Variants in SPEF2 observed in about 807,000 individuals in gnomAD.
SPEF2 encodes the protein sperm flagellar and cilia associated 2.
A neutral mutation model predicts 224.6 loss-of-function variants in SPEF2; 187 were observed. That is an observed-to-expected ratio of 0.83 (90% confidence interval 0.74 to 0.94). SPEF2 has a LOEUF of 0.94. SPEF2 is among the 40% of genes least tolerant of loss of function. The pLI is 0.00. For missense variants in SPEF2, 2,170 were observed against 2,135.6 expected (o/e 1.02, Z -0.32); for synonymous variants, 715 against 707.3 (o/e 1.01, Z -0.17).
At chr5:35,746,763 G>T (rs1748602426) in intron 23 of SPEF2, among the ~76,000 whole-genome samples, 1 of 152,088 alleles carries the variant, frequency 6.6e-6, no homozygotes, top group South Asian at 2.1e-4. Context: ...GAATAATTGA[G>T]GAAAACTTCC....
At chr5:35,638,310 GT>G (rs1229352189) in intron 2 of SPEF2, among the ~76,000 whole-genome samples, 1 of 151,614 alleles carries the variant, frequency 6.6e-6, no homozygotes, top group Non-Finnish European at 1.5e-5. Flanking sequence ...AAATTCAAGT[GT>G]TCCAGTCTCT....
intron 20 of SPEF2, among the ~76,000 whole-genome samples, chr5:35,719,630 T>G (rs1230537194): frequency 1.4e-5 from 2 of 141,692 alleles, no homozygotes; most frequent in Middle Eastern, 3.5e-3. Context: ...ATTAGTGACT[T>G]TTTTTTTTTG....
chr5:35,645,798 CTG>C (rs1005780399), intron 4 of SPEF2, among the ~76,000 whole-genome samples: 17 of 152,198 alleles, frequency 1.1e-4, no homozygotes, highest in South Asian at 2.1e-4. Context: ...AAGGAAGACT[CTG>C]TGTCTTCCTG....
chr5:35,799,823 A>T, intron 33 of SPEF2, 145 bp from the exon 34 acceptor site: 1 of 783,502 alleles, frequency 1.3e-6, no homozygotes, highest in Non-Finnish European at 2.1e-6. Flanking sequence ...TTCAGTTCAT[A>T]CCATTCATTA....
chr5:35,708,807 A>T lies in SPEF2; in HGVS notation c.2666-141A>T, dbSNP rs1293904713. On this transcript the variant is annotated intron_variant, in intron 18 of 36. Coordinates refer to ENST00000356031, the MANE Select transcript of SPEF2 (RefSeq NM_024867.4). ...AAATCTTAGCTTTAAGGACTAGATG[A>T]TTTAAGGGAAAGCCCTAAAGCATGA... 6 of 703,768 alleles carry T rather than the reference A, an allele frequency of 8.5e-6. No homozygotes were observed. In the Admixed American group the frequency reaches 1.5e-4, roughly 17 times the overall value. 43.6% of individuals were successfully genotyped at this position (703,768 alleles called of 1,614,324 possible).
rs535331689 is a variant in SPEF2, at chr5:35,671,522, C to T, written c.1524+1295C>T. On this transcript the variant is annotated intron_variant, in intron 10 of 36. Coordinates refer to ENST00000356031, the MANE Select transcript of SPEF2 (RefSeq NM_024867.4). The stretch of plus-strand genomic sequence containing the variant: ...AAGAAAATGCTTTGACAGTATCAAC[C>T]TGTGTTAAGGTATTTCTTTCCATTG... 3.7e-5 allele frequency: 36 copies of T among 982,924 alleles called. No homozygotes were observed. The African/African-American group carries it at 5.1e-4, about 14-fold the overall frequency. The allele number at this position is 982,924 out of a possible 1,614,324, so 60.9% of individuals were successfully genotyped here. A position where few individuals can be genotyped will look rare whatever the true frequency, so the allele number is the denominator to read the frequency against.
In SPEF2 at chr5:35,754,220, C is replaced by T. The variant is rs919682730; in HGVS notation, c.3468+459C>T. On this transcript the variant is annotated intron_variant, in intron 24 of 36. Transcript: ENST00000356031. Reference sequence around the variant, plus strand: ...CTAGAAAAACAGACCATAATCAATGCAACCCGATTAACTTATATTTGCAGC... The same window carrying T: ...CTAGAAAAACAGACCATAATCAATGTAACCCGATTAACTTATATTTGCAGC... Among the ~76,000 whole-genome samples the T allele has an allele frequency of 2.6e-5, 4 of 152,134 alleles. No homozygotes were observed. In the East Asian group the frequency reaches 7.7e-4, roughly 29 times the overall value.
chr5:35,636,221 A>G (rs924940839), intron 2 of SPEF2, among the ~76,000 whole-genome samples: 23 of 152,166 alleles, frequency 1.5e-4, no homozygotes, highest in African/African-American at 4.1e-4. Context: ...GTGGTCAGCA[A>G]TTGAATAGAG....
intron 36 of SPEF2, among the ~76,000 whole-genome samples, chr5:35,813,881 A>G (rs74812935): frequency 1.1e-3 from 161 of 152,228 alleles, no homozygotes; most frequent in African/African-American, 3.8e-3. Flanking sequence ...TATTTTTCAC[A>G]TGTTGGTACT....
At chr5:35,676,001 A>G in intron 10 of SPEF2, 1 of 456,278 alleles carries the variant, frequency 2.2e-6, no homozygotes, top group Non-Finnish European at 4.4e-6. Flanking sequence ...AGGTAAGTTC[A>G]TTTGAAAACC....
chr5:35,669,733 A>G (rs1750973527), intron 9 of SPEF2, among the ~76,000 whole-genome samples: 1 of 152,070 alleles, frequency 6.6e-6, no homozygotes, highest in African/African-American at 2.4e-5. Flanking sequence ...CTCAGCTCTG[A>G]TATCAGCTTA....
At chr5:35,746,776 A>T (rs1748604976) in intron 23 of SPEF2, among the ~76,000 whole-genome samples, 1 of 152,190 alleles carries the variant, frequency 6.6e-6, no homozygotes, top group Admixed American at 6.5e-5. Context: ...AAACTTCCCC[A>T]GCCTCGCTAG....
chr5:35,734,391 G>A (rs1454312938), intron 21 of SPEF2, among the ~76,000 whole-genome samples: 1 of 128,074 alleles, frequency 7.8e-6, no homozygotes, highest in African/African-American at 2.9e-5. Context: ...CGGGCCACAA[G>A]GGAAGAATAA....
intron 6 of SPEF2, among the ~76,000 whole-genome samples, chr5:35,652,042 C>T (rs1022673455): frequency 3.3e-4 from 51 of 152,270 alleles, no homozygotes; most frequent in African/African-American, 1.2e-3. Context: ...TCTTAAGAAA[C>T]ACAAATTTGA....
At chr5:35,763,313 G>GT (rs1751600545) in intron 25 of SPEF2, among the ~76,000 whole-genome samples, 1 of 151,602 alleles carries the variant, frequency 6.6e-6, no homozygotes, top group African/African-American at 2.4e-5. Context: ...TGTTTGCTTT[G>GT]AGTCTCTTCT....
chr5:35,779,103 T>C lies in SPEF2; in HGVS notation c.4218-14T>C. 6.3e-7 allele frequency: 1 copy of C among 1,599,208 alleles called. No homozygotes were observed. Among genetic ancestry groups the C allele is most frequent in the East Asian group, 2.2e-5 (1 of 44,788 alleles). On this transcript the variant is annotated splice_polypyrimidine_tract_variant and intron_variant, in intron 29 of 36. Coordinates refer to ENST00000356031, the MANE Select transcript of SPEF2 (RefSeq NM_024867.4). Reference sequence around the variant, plus strand: ...CTTTCATGGGGTTAACGCTATCCATTTTACCACTTTCAGTACAGAAAAATT... The same window carrying C: ...CTTTCATGGGGTTAACGCTATCCATCTTACCACTTTCAGTACAGAAAAATT...
chr5:35,639,718 C>T (rs933996324), intron 2 of SPEF2, among the ~76,000 whole-genome samples: 1 of 150,994 alleles, frequency 6.6e-6, no homozygotes, highest in African/African-American at 2.4e-5. Context: ...GCAGCTACTA[C>T]TTACCTGTAA....
rs73080213 is a variant in SPEF2, at chr5:35,648,702, T to C, written c.727-659T>C. ...TAAACTTCAGATAACTAATTAATAG[T>C]GTAAATAAAGTTGCATGAGGAATGT... On this transcript the variant is annotated intron_variant, in intron 5 of 36. Coordinates refer to ENST00000356031, the MANE Select transcript of SPEF2 (RefSeq NM_024867.4). Among the ~76,000 whole-genome samples the C allele has an allele frequency of 8.9e-3, 1,359 of 152,216 alleles. 25 individuals are homozygous for C. Among genetic ancestry groups the C allele is most frequent in the African/African-American group, 0.031 (1,308 of 41,530 alleles).
chr5:35,744,563 T>A (rs1466872824), intron 23 of SPEF2, among the ~76,000 whole-genome samples: 1 of 152,206 alleles, frequency 6.6e-6, no homozygotes, highest in Non-Finnish European at 1.5e-5. Flanking sequence ...ACTGAGTCCG[T>A]GGGAGAAAAA....
Sources: gnomAD v4.1 joint callset for allele counts (sites outside exome capture counted in the v4.1 genomes callset) on GRCh38, gnomAD v4.1.1 for gene constraint, MANE v1.5 for transcripts, NCBI Gene and HGNC (gene_info 2026-07-23, HGNC 2026-07-21) for gene names.